Variants in LRRC7 observed in about 807,000 individuals in gnomAD.
LRRC7 encodes the protein leucine-rich repeat-containing protein 7.
In LRRC7, 23 loss-of-function variants were observed where a neutral mutation model predicts 175.7. The ratio of observed to expected loss-of-function variants is 0.13; its 90% confidence interval spans 0.09 to 0.19. The LOEUF is 0.19. Ranked by LOEUF, LRRC7 falls within the 10% of genes least tolerant of loss-of-function variation. The probability of loss-of-function intolerance (pLI) is 1.00; values close to 1 mark genes in which losing one functional copy is unlikely to be tolerated. For synonymous variants in LRRC7, 685 were observed against 680.9 expected (o/e 1.01, Z -0.09); for missense variants, 1,354 against 1,904.7 (o/e 0.71, Z 5.38).
chr1:69,722,940 C>A (rs955457496), intron 2 of LRRC7, among the ~76,000 whole-genome samples: 1 of 151,946 alleles, frequency 6.6e-6, no homozygotes, highest in Admixed American at 6.6e-5. Flanking sequence ...AAATGCATTG[C>A]AAATATTTTC....
rs1660415200 is a variant in LRRC7 at position 70,047,447 on chromosome 1, A to C, written c.4110+3353A>C. On this transcript the variant is annotated intron_variant, in intron 22 of 26. Coordinates refer to ENST00000651989, the MANE Select transcript of LRRC7 (RefSeq NM_001370785.2). ...CTGTTTGCCAAGGCTTGCCTCTTGCAACTAGGACAAAGAAGAAACTTTTTT... is the reference window on the plus strand; with the variant it reads ...CTGTTTGCCAAGGCTTGCCTCTTGCCACTAGGACAAAGAAGAAACTTTTTT... Among the ~76,000 whole-genome samples the C allele has an allele frequency of 1.3e-5, 2 of 152,140 alleles. 1 individual carries two copies. The highest frequency in any genetic ancestry group is 2.9e-5 in the Non-Finnish European group (2 of 68,004).
chr1:70,109,324 T>G (rs1316014870), intron 26 of LRRC7, among the ~76,000 whole-genome samples: 1 of 152,082 alleles, frequency 6.6e-6, no homozygotes, highest in Non-Finnish European at 1.5e-5. Context: ...GCCCGGCCTC[T>G]CCGAAATATT....
intron 23 of LRRC7, among the ~76,000 whole-genome samples, chr1:70,054,049 T>A (rs1007481090): frequency 4.5e-4 from 68 of 152,280 alleles, no homozygotes; most frequent in African/African-American, 1.6e-3. Context: ...ACATTATCAC[T>A]TTGGTAACAA....
At chr1:69,924,685 T>G (rs1439519026) in intron 7 of LRRC7, among the ~76,000 whole-genome samples, 2 of 152,202 alleles carry the variant, frequency 1.3e-5, no homozygotes, top group East Asian at 1.9e-4. Flanking sequence ...CTTATCAGCT[T>G]AAGGAGATTT....
chr1:70,016,785 A>G (rs781111439), intron 14 of LRRC7, among the ~76,000 whole-genome samples: 46 of 152,144 alleles, frequency 3.0e-4, no homozygotes, highest in Non-Finnish European at 4.7e-4. Context: ...AATACACAAA[A>G]TGATCATTTT....
At chr1:69,938,480 GAAAT>G (rs1351820944) in intron 8 of LRRC7, among the ~76,000 whole-genome samples, 3 of 151,792 alleles carry the variant, frequency 2.0e-5, no homozygotes, top group Non-Finnish European at 4.4e-5. Context: ...AAATTTCAAA[GAAAT>G]GAATTAAAGA....
rs1169144918 is a variant in LRRC7 at position 69,885,026 on chromosome 1, T to G, written c.648-46481T>G. Among the ~76,000 whole-genome samples the G allele has an allele frequency of 2.1e-5, 3 of 144,230 alleles. No homozygotes were observed. In the East Asian group the frequency reaches 6.2e-4, roughly 30 times the overall value. 94.6% of individuals were successfully genotyped at this position (144,230 alleles called of 152,430 possible). On this transcript the variant is annotated intron_variant, in intron 7 of 26. Transcript: ENST00000651989. Reference sequence around the variant, plus strand: ...TGCTGGATTCGGTTTGCCAGTATTTTATTGAGGATTTTTGCATCAATGTTC... The same window carrying G: ...TGCTGGATTCGGTTTGCCAGTATTTGATTGAGGATTTTTGCATCAATGTTC...
chr1:69,744,099 G>A (rs1669008003), intron 2 of LRRC7, among the ~76,000 whole-genome samples: 1 of 151,562 alleles, frequency 6.6e-6, no homozygotes, highest in Admixed American at 6.6e-5. Context: ...TACTAAATAT[G>A]TTTCCTATAC....
intron 4 of LRRC7, among the ~76,000 whole-genome samples, chr1:69,813,728 T>C (rs908002975): frequency 2.0e-5 from 3 of 152,108 alleles, no homozygotes; most frequent in African/African-American, 7.2e-5. Context: ...AGCTTGGGTC[T>C]CCAGGGAAAT....
chr1:69,589,517 T>C (rs559668329), intron 1 of LRRC7, among the ~76,000 whole-genome samples: 1 of 152,258 alleles, frequency 6.6e-6, no homozygotes, highest in South Asian at 2.1e-4. Context: ...AGTCTCTAAA[T>C]GGACACTTTG....
intron 2 of LRRC7, among the ~76,000 whole-genome samples, chr1:69,730,022 C>A (rs951242464): frequency 6.6e-6 from 1 of 152,232 alleles, no homozygotes; most frequent in African/African-American, 2.4e-5. Context: ...GTTGCACTCT[C>A]TGAAGCAATG....
intron 1 of LRRC7, among the ~76,000 whole-genome samples, chr1:69,587,461 G>T (rs530246483): frequency 2.0e-5 from 3 of 152,176 alleles, no homozygotes; most frequent in Admixed American, 2.0e-4. Context: ...TGAAATACAG[G>T]CCTATATAGG....
At chr1:70,118,065 A>G (rs1182891094) in intron 26 of LRRC7, among the ~76,000 whole-genome samples, 1 of 32,650 alleles carries the variant, frequency 3.1e-5, no homozygotes, top group Non-Finnish European at 8.1e-5. Context: ...TCTTCTATGC[A>G]CACACACACA....
At chr1:69,875,680 C>T (rs142327781) in intron 7 of LRRC7, among the ~76,000 whole-genome samples, 113 of 151,704 alleles carry the variant, frequency 7.4e-4, no homozygotes, top group Middle Eastern at 3.4e-3. Flanking sequence ...TTATCTGTGA[C>T]GTTTCATATA....
intron 1 of LRRC7, among the ~76,000 whole-genome samples, chr1:69,659,325 G>T (rs533526776): frequency 6.6e-6 from 1 of 151,572 alleles, no homozygotes; most frequent in African/African-American, 2.4e-5. Flanking sequence ...AAAGGCTTAA[G>T]CTACAAACAG....
intron 1 of LRRC7, among the ~76,000 whole-genome samples, chr1:69,660,819 G>A (rs935994543): frequency 2.6e-5 from 4 of 152,018 alleles, no homozygotes; most frequent in Non-Finnish European, 4.4e-5. Flanking sequence ...GAGTGTTGGA[G>A]GCAGTGCAGT....
At chr1:69,676,506 TG>T (rs1659791877) in intron 1 of LRRC7, among the ~76,000 whole-genome samples, 1 of 152,082 alleles carries the variant, frequency 6.6e-6, no homozygotes, top group Non-Finnish European at 1.5e-5. Context: ...GTTAGTAAAG[TG>T]TACATTGATG....
intron 8 of LRRC7, among the ~76,000 whole-genome samples, chr1:69,936,727 A>G (rs989581668): frequency 6.6e-6 from 1 of 151,874 alleles, no homozygotes; most frequent in Non-Finnish European, 1.5e-5. Context: ...CCTACCCTCC[A>G]CCTTCAGGTA....
chr1:69,575,047 A>C (rs1293609907), intron 1 of LRRC7, among the ~76,000 whole-genome samples: 1 of 152,170 alleles, frequency 6.6e-6, no homozygotes, highest in Non-Finnish European at 1.5e-5. Context: ...ACACATATGC[A>C]CACACAAACA....
Sources: gnomAD v4.1 joint callset for allele counts (sites outside exome capture counted in the v4.1 genomes callset) on GRCh38, gnomAD v4.1.1 for gene constraint, MANE v1.5 for transcripts, NCBI Gene and HGNC (gene_info 2026-07-23, HGNC 2026-07-21) for gene names.